CPPED1: variants seen among roughly 807,000 people sequenced by gnomAD.
CPPED1 encodes the protein serine/threonine-protein phosphatase CPPED1.
A neutral mutation model predicts 28.0 loss-of-function variants in CPPED1; 28 were observed. The ratio of observed to expected loss-of-function variants is 1.00; its 90% CI spans 0.74 to 1.37. CPPED1 has a LOEUF of 1.37. CPPED1 is among the 40% of genes most tolerant of loss of function. CPPED1 has a pLI of 0.00. For missense variants in CPPED1, 504 were observed against 416.5 expected, an observed-to-expected ratio of 1.21 and a Z score of -1.83; for synonymous variants, 198 against 180.2, an observed-to-expected ratio of 1.10 and a Z score of -0.79.
intron 2 of CPPED1, among the ~76,000 whole-genome samples, chr16:12,751,616 C>T (rs2080329600): frequency 6.6e-6 from 1 of 152,172 alleles, no homozygotes; most frequent in Non-Finnish European, 1.5e-5. Flanking sequence ...CCCAGGAACC[C>T]ATGTCTCCAA....
chr16:12,793,573 C>T (rs542528439), intron 1 of CPPED1, among the ~76,000 whole-genome samples: 17 of 152,300 alleles, frequency 1.1e-4, no homozygotes, highest in Non-Finnish European at 1.0e-4. Flanking sequence ...AATAACAGCT[C>T]CTACCTCAAA....
chr16:12,715,542 C>A (rs998622121), intron 2 of CPPED1, among the ~76,000 whole-genome samples: 1 of 152,102 alleles, frequency 6.6e-6, no homozygotes, highest in African/African-American at 2.4e-5. Context: ...CATCTGTAAC[C>A]CCAGCTACTC....
chr16:12,721,753 TAAA>T (rs200876974), intron 2 of CPPED1, among the ~76,000 whole-genome samples: 1 of 131,870 alleles, frequency 7.6e-6, no homozygotes. Flanking sequence ...GATTCCGTCT[TAAA>T]AAAAAAAAAA....
chr16:12,788,068 A>G (rs1434511198), intron 1 of CPPED1, among the ~76,000 whole-genome samples: 1 of 152,176 alleles, frequency 6.6e-6, no homozygotes, highest in Non-Finnish European at 1.5e-5. Context: ...TCCTTGCCAT[A>G]TGGGCCTCTC....
At chr16:12,786,632 G>A (rs1337424176) in intron 1 of CPPED1, among the ~76,000 whole-genome samples, 1 of 152,102 alleles carries the variant, frequency 6.6e-6, no homozygotes, top group East Asian at 1.9e-4. Flanking sequence ...TGAAAAGTAA[G>A]AAGTTGGGTT....
chr16:12,715,398 G>A (rs1015019445), intron 2 of CPPED1, among the ~76,000 whole-genome samples: 9 of 152,226 alleles, frequency 5.9e-5, no homozygotes, highest in African/African-American at 9.6e-5. Context: ...GGAGGCTCAC[G>A]TCTGTAATCC....
intron 1 of CPPED1, among the ~76,000 whole-genome samples, chr16:12,787,782 C>G (rs1422689115): frequency 6.6e-6 from 1 of 152,166 alleles, no homozygotes; most frequent in Admixed American, 6.5e-5. Flanking sequence ...TGCTGTGTAA[C>G]AAACTACCAC....
chr16:12,694,077 G>C (rs2079977043), intron 3 of CPPED1, among the ~76,000 whole-genome samples: 1 of 152,016 alleles, frequency 6.6e-6, no homozygotes. Context: ...GTGGTGGCGG[G>C]TACCTGTAGT....
chr16:12,663,897 T>A lies in CPPED1; in HGVS notation c.*989A>T, dbSNP rs2079810460. On this transcript the variant is annotated 3_prime_UTR_variant, in exon 4 of 4. Coordinates refer to ENST00000381774, the MANE Select transcript of CPPED1 (RefSeq NM_018340.3). The stretch of plus-strand genomic sequence containing the variant: ...AAAACAATGCTGGTTTGAAATAACC[T>A]ATGCGCTTTTGTCAAGGGATTTTGC... The A allele has an allele frequency of 6.6e-6, 1 of 152,246 alleles. No homozygotes were observed. Among genetic ancestry groups the A allele is most frequent in the African/African-American group, 2.4e-5 (1 of 41,466 alleles). The allele number at this position is 152,246 out of a possible 1,614,324, so 9.4% of individuals were successfully genotyped here. A position where few individuals can be genotyped will look rare whatever the true frequency, so the allele number is the denominator to read the frequency against.
chr16:12,734,699 A>G (rs1372467761), intron 2 of CPPED1, among the ~76,000 whole-genome samples: 1 of 152,062 alleles, frequency 6.6e-6, no homozygotes, highest in Non-Finnish European at 1.5e-5. Flanking sequence ...AAGGTATTTA[A>G]ATGTCTGGCC....
intron 1 of CPPED1, among the ~76,000 whole-genome samples, chr16:12,798,343 T>C (rs775747499): frequency 7.9e-5 from 12 of 152,224 alleles, no homozygotes; most frequent in African/African-American, 2.9e-4. Flanking sequence ...TTGGCCTAAA[T>C]GTATGGCACA....
chr16:12,728,477 A>G (rs926872160), intron 2 of CPPED1, among the ~76,000 whole-genome samples: 3 of 152,056 alleles, frequency 2.0e-5, no homozygotes, highest in African/African-American at 7.2e-5. Flanking sequence ...AGAAAGATTG[A>G]GAGGAGCCAA....
rs548158571 is a variant in CPPED1 at position 12,790,898 on chromosome 16, G to T, written c.71-9495C>A. On this transcript the variant is annotated intron_variant, in intron 1 of 3. Coordinates refer to ENST00000381774, the MANE Select transcript of CPPED1 (RefSeq NM_018340.3). ...TCACACCACTGCACTCCAGCCTGGT[G>T]ATAGAGCAAGACTCTATCTCAAAAA... Among the ~76,000 whole-genome samples, 13 of 124,926 alleles carry T rather than the reference G, an allele frequency of 1.0e-4. 1 individual carries two copies. In the South Asian group the frequency reaches 2.6e-3, roughly 25 times the overall value. 82.0% of individuals were successfully genotyped at this position (124,926 alleles called of 152,430 possible).
rs534612094 is a variant in CPPED1 at position 12,660,821 on chromosome 16, G to C, written c.*4065C>G. On this transcript the variant is annotated 3_prime_UTR_variant, in exon 4 of 4. Coordinates refer to ENST00000381774, the MANE Select transcript of CPPED1 (RefSeq NM_018340.3). Reference sequence around the variant, plus strand: ...TACCACTTGGGAATAAGTATTAAGAGTTCAAGTAAGGCTGGGTACAGTGGC... The same window carrying C: ...TACCACTTGGGAATAAGTATTAAGACTTCAAGTAAGGCTGGGTACAGTGGC... 2 of 152,330 alleles carry C rather than the reference G, an allele frequency of 1.3e-5. No individual in the cohort carries two copies. The highest frequency in any genetic ancestry group is 4.8e-5 in the African/African-American group (2 of 41,574). 9.4% of individuals were successfully genotyped at this position (152,330 alleles called of 1,614,324 possible).
At chr16:12,744,560 GC>G (rs1367939082) in intron 2 of CPPED1, among the ~76,000 whole-genome samples, 4 of 152,198 alleles carry the variant, frequency 2.6e-5, no homozygotes. Context: ...AGTGAGACAG[GC>G]CCTACAGGCG....
chr16:12,666,172 G>A (rs1161483530), intron 3 of CPPED1, among the ~76,000 whole-genome samples: 1 of 151,894 alleles, frequency 6.6e-6, no homozygotes, highest in Non-Finnish European at 1.5e-5. Context: ...AGCAGAGCAT[G>A]TCTGACATAT....
Position 12,709,339 on chromosome 16 carries a change from A to G in CPPED1, c.290-4290T>C, listed in dbSNP as rs1432521977. Among the ~76,000 whole-genome samples the G allele has an allele frequency of 6.6e-6, 1 of 152,182 alleles. No homozygotes were observed. Among genetic ancestry groups the G allele is most frequent in the Non-Finnish European group, 1.5e-5 (1 of 68,028 alleles). On this transcript the variant is annotated intron_variant, in intron 2 of 3. Coordinates refer to ENST00000381774, the MANE Select transcript of CPPED1 (RefSeq NM_018340.3). This position sits in a 1 kb window ranked among gnomAD's most constrained non-coding sequence, Gnocchi z 4.4. Reference sequence around the variant, plus strand: ...GATTGTTCTGGGGTCTCCAAGGTGGATAAGAGGTATCTGCTGAGAAGTGGG... The same window carrying G: ...GATTGTTCTGGGGTCTCCAAGGTGGGTAAGAGGTATCTGCTGAGAAGTGGG...
intron 3 of CPPED1, among the ~76,000 whole-genome samples, chr16:12,702,846 T>C (rs1400312178): frequency 1.3e-5 from 2 of 151,760 alleles, no homozygotes; most frequent in African/African-American, 4.8e-5. Context: ...AAACTGTCTC[T>C]ACTAAAAATA....
intron 1 of CPPED1, among the ~76,000 whole-genome samples, chr16:12,792,318 T>C (rs558147495): frequency 1.5e-4 from 23 of 152,260 alleles, no homozygotes; most frequent in African/African-American, 5.3e-4. Flanking sequence ...CCAGGGATGA[T>C]TCTGACACAT....
Sources: gnomAD v4.1 joint callset for allele counts (sites outside exome capture counted in the v4.1 genomes callset) on GRCh38, gnomAD v4.1.1 for gene constraint, Gnocchi (gnomAD v3.1) non-coding constraint, MANE v1.5 for transcripts, NCBI Gene and HGNC (gene_info 2026-07-23, HGNC 2026-07-21) for gene names.